SPAG1: variants seen among roughly 807,000 people sequenced by gnomAD.
SPAG1 encodes sperm associated antigen 1.
In SPAG1, 69 loss-of-function variants were observed where a neutral mutation model predicts 100.5. The observed-to-expected ratio is 0.69, with a 90% confidence interval of 0.57 to 0.84. The LOEUF (loss-of-function observed/expected upper bound fraction) is 0.84, where lower values mean the gene tolerates loss of function less well. Among genes scored for constraint, SPAG1 ranks in the 40% least tolerant of loss-of-function variants. The probability of loss-of-function intolerance (pLI) is 0.00; values close to 1 mark genes in which losing one functional copy is unlikely to be tolerated. For missense variants in SPAG1, 955 were observed against 1,133.1 expected, an observed-to-expected ratio of 0.84 and a Z score of 2.26; for synonymous variants, 336 against 411.6, an observed-to-expected ratio of 0.82 and a Z score of 2.22.
chr8:100,228,410 C>CAAAA (rs71274969), intron 14 of SPAG1, among the ~76,000 whole-genome samples: 6 of 129,540 alleles, frequency 4.6e-5, no homozygotes, highest in South Asian at 5.1e-4. Context: ...CCATCTCTAC[C>CAAAA]AAAAAAAAAA....
intron 4 of SPAG1, among the ~76,000 whole-genome samples, 172 bp downstream of exon 4, chr8:100,178,113 G>A (rs1217442854): frequency 6.6e-6 from 1 of 152,152 alleles, no homozygotes; most frequent in Non-Finnish European, 1.5e-5. Context: ...GTTCTTTACT[G>A]TCTCATTACT....
At position 100,240,438 on chromosome 8, in the gene SPAG1, A is replaced by C. The variant is rs779086994; in HGVS notation, c.2316A>C (p.Ala772=). 1.5e-5 allele frequency: 24 copies of C among 1,610,896 alleles called. No homozygotes were observed. Among genetic ancestry groups the C allele is most frequent in the Non-Finnish European group, 2.0e-5 (24 of 1,178,708 alleles). The change falls in exon 18 of 19, where the codon GCA becomes GCC. Residue 772 remains alanine (A), a synonymous_variant. Coordinates refer to ENST00000388798, the MANE Select transcript of SPAG1 (RefSeq NM_003114.5). The stretch of plus-strand genomic sequence containing the variant: ...GCAAGGAGGAGCCTGGAAGACCTGC[A>C]GGGGAGGTCTCCATGGGATGCCTTG... The part of the protein sequence containing the change: ...NEGKEEPGRP[A]GEVSMGCLAS...
At chr8:100,220,196 G>A in intron 12 of SPAG1, 83 bp from the exon 13 acceptor site, 1 of 788,798 alleles carries the variant, frequency 1.3e-6, no homozygotes, top group Non-Finnish European at 1.9e-6. Flanking sequence ...TGAGAGTTCA[G>A]TACTGCAGTA....
Position 100,162,368 on chromosome 8 carries a change from A to G in SPAG1, c.88A>G (p.Ile30Val), listed in dbSNP as rs550123264. 121 of 1,598,092 alleles carry G rather than the reference A, an allele frequency of 7.6e-5. 1 individual carries two copies. The Middle Eastern group carries it at 2.0e-3, about 26-fold the overall frequency. ...CATTGAACATCTAGATTTCAAATAC[A>G]TTGAAAAATGTTCAGATGTTAAACA... ...IPIEHLDFKY[I>V]EKCSDVKHLE... Residue 30 changes from isoleucine (I) to valine (V), a missense_variant, in exon 2 of 19, where the codon ATT becomes GTT. Ile to Val is a conservative substitution (Grantham distance 29, BLOSUM62 3). Coordinates refer to ENST00000388798, the MANE Select transcript of SPAG1 (RefSeq NM_003114.5).
Position 100,213,137 on chromosome 8 carries a change from A to C in SPAG1, c.1144A>C (p.Met382Leu), listed in dbSNP as rs1355943640. Reference sequence around the variant, plus strand: ...CGCGCGCGCCGCCCAGCCGTGCGTCATGGGCAACATCCAGAAGAAGCTGAC... The same window carrying C: ...CGCGCGCGCCGCCCAGCCGTGCGTCCTGGGCAACATCCAGAAGAAGCTGAC... ...GAARAAQPCV[M>L]GNIQKKLTGK... Residue 382 changes from methionine (M) to leucine (L), a missense_variant, in exon 11 of 19, where the codon ATG (methionine) becomes CTG (leucine). Physicochemically the swap from Met to Leu is conservative, Grantham distance 15. Transcript: ENST00000388798. The C allele has an allele frequency of 1.2e-5, 18 of 1,483,960 alleles. No individual in the cohort carries two copies. The highest frequency in any genetic ancestry group is 1.6e-5 in the Non-Finnish European group (18 of 1,124,262). The allele number at this position is 1,483,960 out of a possible 1,614,324, so 91.9% of individuals were successfully genotyped here. A position where few individuals can be genotyped will look rare whatever the true frequency, so the allele number is the denominator to read the frequency against.
intron 3 of SPAG1, among the ~76,000 whole-genome samples, chr8:100,175,134 T>C (rs1263337366): frequency 6.6e-6 from 1 of 151,764 alleles, no homozygotes; most frequent in Non-Finnish European, 1.5e-5. Context: ...TACAGGTGCA[T>C]GTGCCACCAC....
intron 10 of SPAG1, 28 bp from the exon 11 acceptor site, chr8:100,213,062 C>T: frequency 1.4e-6 from 2 of 1,428,188 alleles, no homozygotes; most frequent in Non-Finnish European, 1.8e-6. Flanking sequence ...GATGCAAACC[C>T]TCACTTCCCG....
In SPAG1 at chr8:100,236,185, G is replaced by A. The variant is rs1039180179; in HGVS notation, c.2115+2648G>A. 1.3e-4 allele frequency among the ~76,000 whole-genome samples: 20 copies of A among 152,130 alleles called. No homozygotes were observed. The East Asian group carries it at 3.7e-3, about 28-fold the overall frequency. ...GAATGAATTCCAGAAATTATATTAT[G>A]ATGCAGAAAAATAATCCCAAATTTG... On this transcript the variant is annotated intron_variant, in intron 16 of 18. Coordinates refer to ENST00000388798, the MANE Select transcript of SPAG1 (RefSeq NM_003114.5).
chr8:100,219,339 C>T (rs888426563), intron 12 of SPAG1, among the ~76,000 whole-genome samples: 10 of 152,300 alleles, frequency 6.6e-5, no homozygotes, highest in Admixed American at 2.6e-4. Flanking sequence ...CCACCATCTT[C>T]AATGTGGACA....
chr8:100,240,595 T>C lies in SPAG1; in HGVS notation c.2473T>C (p.Cys825Arg), dbSNP rs1240396981. The C allele has an allele frequency of 6.2e-6, 10 of 1,614,038 alleles. No homozygotes were observed. The highest frequency in any genetic ancestry group is 8.5e-6 in the Non-Finnish European group (10 of 1,180,006). ...ALSTRKDKEA[C>R]AHLLAITAPK... The stretch of plus-strand genomic sequence containing the variant: ...CAGTACCAGGAAGGATAAAGAAGCC[T>C]GTGCACATCTTTTAGCCATCACTGC... The change falls in exon 18 of 19, where the codon TGT (cysteine) becomes CGT (arginine). Residue 825 changes from cysteine to arginine, a missense_variant. Physicochemically the swap from Cys to Arg is radical, Grantham distance 180 (BLOSUM62 -3). Coordinates refer to ENST00000388798, the MANE Select transcript of SPAG1 (RefSeq NM_003114.5).
intron 1 of SPAG1, among the ~76,000 whole-genome samples, chr8:100,161,092 C>T (rs1212675255): frequency 1.3e-5 from 2 of 152,208 alleles, no homozygotes; most frequent in African/African-American, 4.8e-5. Flanking sequence ...GTAATCCCAG[C>T]ACTTTGGAAG....
intron 9 of SPAG1, among the ~76,000 whole-genome samples, chr8:100,193,435 G>C (rs942811843): frequency 6.6e-6 from 1 of 152,060 alleles, no homozygotes; most frequent in Non-Finnish European, 1.5e-5. Flanking sequence ...TACTCCAGCC[G>C]GGGCAGCAGA....
intron 12 of SPAG1, among the ~76,000 whole-genome samples, chr8:100,219,668 A>G (rs1818171366): frequency 6.6e-6 from 1 of 152,250 alleles, no homozygotes; most frequent in African/African-American, 2.4e-5. Flanking sequence ...ACTTCAAACA[A>G]AACCAAAAAA....
intron 10 of SPAG1, chr8:100,194,671 G>A (rs1039191144): frequency 1.1e-5 from 4 of 359,876 alleles, no homozygotes; most frequent in South Asian, 1.4e-4. Flanking sequence ...AAAAATGAAC[G>A]TATTACTAGA....
Position 100,168,670 on chromosome 8 carries a change from C to G in SPAG1, c.300+2697C>G, listed in dbSNP as rs369663034. ...CAAAGTACTGGGATTACAGCATGAG[C>G]CACCATGCCCAGCCATCTTTTTTTT... On this transcript the variant is annotated intron_variant, in intron 3 of 18. Coordinates refer to ENST00000388798, the MANE Select transcript of SPAG1 (RefSeq NM_003114.5). Among the ~76,000 whole-genome samples, 8 of 120,654 alleles carry G rather than the reference C, an allele frequency of 6.6e-5. No individual in the cohort carries two copies. In the East Asian group the frequency reaches 1.4e-3, roughly 22 times the overall value. The allele number at this position is 120,654 out of a possible 152,430, so 79.2% of individuals were successfully genotyped here.
chr8:100,183,998 CA>C lies in SPAG1; in HGVS notation c.534del (p.Glu179LysfsTer4). The C allele has an allele frequency of 6.5e-7, 1 of 1,548,254 alleles. No individual in the cohort carries two copies. Among genetic ancestry groups the C allele is most frequent in the Non-Finnish European group, 8.7e-7 (1 of 1,152,364 alleles). ...KECLKIDEDY[K>X]EKTVIDKSHL... ...AATGTTTAAAAATTGATGAAGATTA[CA>C]AAGAAAAGACGGTAATAGACAAGTC... On this transcript the variant is annotated frameshift_variant, in exon 6 of 19. Transcript: ENST00000388798. LOFTEE classifies it high-confidence loss of function.
rs574907013 is a variant in SPAG1, at chr8:100,206,017, C to CAAAAAAAAAAAA, written c.1097-7046_1097-7035dup. ...CTGGCGACAGAGTGAGACTCTGTCT[C>CAAAAAAAAAAAA]AAAAAAAAAAAAAAAAAAAAAAAAA... On this transcript the variant is annotated intron_variant, in intron 10 of 18. Transcript: ENST00000388798. Among the ~76,000 whole-genome samples, 10 of 77,348 alleles carry CAAAAAAAAAAAA rather than the reference C, an allele frequency of 1.3e-4. 1 individual carries two copies. The highest frequency in any genetic ancestry group is 4.1e-4 in the Admixed American group (3 of 7,244). The allele number at this position is 77,348 out of a possible 152,430, so 50.7% of individuals were successfully genotyped here. A position where few individuals can be genotyped will look rare whatever the true frequency, so the allele number is the denominator to read the frequency against.
chr8:100,236,975 C>A (rs1398612072), intron 16 of SPAG1, among the ~76,000 whole-genome samples: 1 of 152,178 alleles, frequency 6.6e-6, no homozygotes, highest in Non-Finnish European at 1.5e-5. Flanking sequence ...ATATCACAAA[C>A]ACGTGATTAT....
intron 4 of SPAG1, among the ~76,000 whole-genome samples, chr8:100,179,207 A>G (rs1586417978): frequency 6.6e-6 from 1 of 152,022 alleles, no homozygotes; most frequent in East Asian, 1.9e-4. Flanking sequence ...ACATGGTGAA[A>G]CCCCATCTGT....
Sources: allele counts gnomAD v4.1 joint callset (sites outside exome capture counted in the v4.1 genomes callset), GRCh38; gene constraint gnomAD v4.1.1; transcripts MANE v1.5; gene names NCBI Gene and HGNC (gene_info 2026-07-23, HGNC 2026-07-21).